TNFSF8: variants seen among roughly 807,000 people sequenced by gnomAD.
TNFSF8 encodes the protein TNF superfamily member 8.
Under a neutral mutation model 22.0 loss-of-function variants are expected in TNFSF8, and 4 were observed. That is an observed-to-expected ratio of 0.18 (90% CI 0.09 to 0.42). The LOEUF (loss-of-function observed/expected upper bound fraction) is 0.42, where lower values mean the gene tolerates loss of function less well. TNFSF8 is among the 10% of genes least tolerant of loss of function. The pLI is 1.00. For synonymous variants in TNFSF8, 106 were observed against 112.5 expected (o/e 0.94, Z 0.37); for missense variants, 233 against 281.8 (o/e 0.83, Z 1.24).
chr9:114,896,638 C>A (rs955846510), downstream of TNFSF8, among the ~76,000 whole-genome samples: 1 of 152,012 alleles, frequency 6.6e-6, no homozygotes, highest in Admixed American at 6.6e-5. Context: ...TAAAATAAAA[C>A]TTAAAAAACT....
chr9:114,917,988 T>G, intron 2 of TNFSF8, 108 bp downstream of exon 2: 1 of 1,122,462 alleles, frequency 8.9e-7, no homozygotes, highest in Non-Finnish European at 1.3e-6. Flanking sequence ...CCCACTTTAC[T>G]GTTGGGTCAT....
downstream of TNFSF8, chr9:114,901,027 T>C: frequency 1.1e-6 from 1 of 948,092 alleles, no homozygotes; most frequent in Non-Finnish European, 1.2e-6. Flanking sequence ...GTTCTGCAAG[T>C]ACACTGAGTG....
chr9:114,897,293 C>CTTAT (rs10667388), downstream of TNFSF8, among the ~76,000 whole-genome samples: 85,939 of 151,174 alleles, frequency 0.57, 26,277 homozygotes, highest in African/African-American at 0.8. Context: ...TTTGGTATGG[C>CTTAT]TTGATATCTT....
chr9:114,914,823 G>A (rs968290851), intron 2 of TNFSF8, among the ~76,000 whole-genome samples: 2 of 152,144 alleles, frequency 1.3e-5, no homozygotes, highest in African/African-American at 4.8e-5. Context: ...GTTGGCTGGG[G>A]GCTATCCTGG....
rs990012227 is a variant in TNFSF8 at position 114,930,417 on chromosome 9, G to GA, written c.-115dup. 41 of 900,244 alleles carry GA rather than the reference G, an allele frequency of 4.6e-5. No individual in the cohort carries two copies. In the Middle Eastern group the frequency reaches 1.2e-3, roughly 26 times the overall value. The allele number at this position is 900,244 out of a possible 1,614,324, so 55.8% of individuals were successfully genotyped here. On this transcript the variant is annotated 5_prime_UTR_variant, in exon 1 of 4. It removes the in-frame stop codon of an upstream open reading frame in the 5' UTR. Transcript: ENST00000223795. ...CCTGAATCCTGAATCATGTGACTTGGAAAAAAACCTTCACCTGCTGCCTGG... is the reference window on the plus strand; with the variant it reads ...CCTGAATCCTGAATCATGTGACTTGGAAAAAAAACCTTCACCTGCTGCCTGG...
In TNFSF8 at chr9:114,908,846, G is replaced by A. The variant is rs373825857; in HGVS notation, c.239-2947C>T. ...CACTAGAGGAGCTATTGAGGGAATG[G>A]GCTGTTAAACTTGGAGAAGACCCCA... On this transcript the variant is annotated intron_variant, in intron 2 of 3. Transcript: ENST00000223795. Among the ~76,000 whole-genome samples, 15 of 152,212 alleles carry A rather than the reference G, an allele frequency of 9.9e-5. No homozygotes were observed. The East Asian group carries it at 2.9e-3, about 29-fold the overall frequency.
intron 1 of TNFSF8, among the ~76,000 whole-genome samples, chr9:114,919,261 ATATT>A (rs1245648560): frequency 6.6e-6 from 1 of 152,048 alleles, no homozygotes; most frequent in Non-Finnish European, 1.5e-5. Context: ...TGCATATTAT[ATATT>A]TAAACATTTA....
intron 1 of TNFSF8, among the ~76,000 whole-genome samples, chr9:114,919,126 G>T (rs549892735): frequency 5.1e-4 from 77 of 151,788 alleles, no homozygotes; most frequent in African/African-American, 1.8e-3. Flanking sequence ...AATTAATTGT[G>T]TGTTTATATG....
At chr9:114,927,913 T>C (rs1394893817) in intron 1 of TNFSF8, among the ~76,000 whole-genome samples, 1 of 152,180 alleles carries the variant, frequency 6.6e-6, no homozygotes, top group Non-Finnish European at 1.5e-5. Flanking sequence ...CAGTCTACAT[T>C]CCATCTTCCT....
chr9:114,903,795 C>G lies in TNFSF8; in HGVS notation c.*136G>C, dbSNP rs998010857. 2.8e-5 allele frequency: 40 copies of G among 1,428,936 alleles called. No individual in the cohort carries two copies. The highest frequency in any genetic ancestry group is 3.5e-5 in the Non-Finnish European group (38 of 1,097,760). The allele number at this position is 1,428,936 out of a possible 1,614,324, so 88.5% of individuals were successfully genotyped here. ...CCTGGAGCTGTATCTTTCCAAGAGA[C>G]AGAAGGAGAAGTATACTATTTAATA... is the stretch of plus-strand genomic sequence containing the variant. On this transcript the variant is annotated 3_prime_UTR_variant, in exon 4 of 4. Coordinates refer to ENST00000223795, the MANE Select transcript of TNFSF8 (RefSeq NM_001244.4).
intron 1 of TNFSF8, among the ~76,000 whole-genome samples, chr9:114,924,223 G>A (rs1220838876): frequency 6.6e-6 from 1 of 152,140 alleles, no homozygotes; most frequent in Non-Finnish European, 1.5e-5. Context: ...TCTGGGGTGA[G>A]CCCTGAGATT....
intron 2 of TNFSF8, among the ~76,000 whole-genome samples, chr9:114,915,455 T>C (rs999746203): frequency 6.6e-6 from 1 of 152,146 alleles, no homozygotes; most frequent in Non-Finnish European, 1.5e-5. Context: ...CTACAGTGTC[T>C]CTGCAGATTG....
At chr9:114,893,990 T>C in exon 5 of TNFSF8, 1 of 1,090,516 alleles carries the variant, frequency 9.2e-7, no homozygotes, top group South Asian at 1.3e-5. Flanking sequence ...CCAGAGTGAC[T>C]GGTACCATCA....
chr9:114,905,788 G>A (rs775396114), intron 3 of TNFSF8, 40 bp downstream of exon 3: 29 of 1,497,638 alleles, frequency 1.9e-5, no homozygotes, highest in Middle Eastern at 1.7e-4. Flanking sequence ...CCACAGAAGC[G>A]GTTTTCATAT....
intron 1 of TNFSF8, among the ~76,000 whole-genome samples, chr9:114,929,742 A>T (rs1249842007): frequency 6.6e-6 from 1 of 151,938 alleles, no homozygotes; most frequent in Non-Finnish European, 1.5e-5. Flanking sequence ...TAACTTTAAA[A>T]GGCCAATAGC....
At chr9:114,915,519 C>T (rs1827907888) in intron 2 of TNFSF8, among the ~76,000 whole-genome samples, 1 of 152,178 alleles carries the variant, frequency 6.6e-6, no homozygotes, top group Admixed American at 6.5e-5. Flanking sequence ...TCAGGTACTG[C>T]CTCCAGCAGG....
chr9:114,897,164 G>A (rs929799458), downstream of TNFSF8, among the ~76,000 whole-genome samples: 2 of 152,118 alleles, frequency 1.3e-5, no homozygotes, highest in Admixed American at 6.5e-5. Context: ...CCCTCCCAAA[G>A]TGCTGGCATT....
chr9:114,901,034 A>AGT (rs113133989), downstream of TNFSF8: 1,736 of 882,776 alleles, frequency 2.0e-3, 2 homozygotes, highest in African/African-American at 9.0e-3. Context: ...AAGTACACTG[A>AGT]GTGTGTGTGT....
intron 2 of TNFSF8, among the ~76,000 whole-genome samples, chr9:114,913,083 G>A (rs1456890630): frequency 6.6e-6 from 1 of 152,116 alleles, no homozygotes; most frequent in African/African-American, 2.4e-5. Flanking sequence ...ACCCTGAGAG[G>A]GAAAGTGAAT....
Sources: gnomAD v4.1 joint callset for allele counts (sites outside exome capture counted in the v4.1 genomes callset) on GRCh38, gnomAD v4.1.1 for gene constraint, MANE v1.5 for transcripts, NCBI Gene and HGNC (gene_info 2026-07-23, HGNC 2026-07-21) for gene names.